The following SIMC1 variants were observed in gnomAD, a reference collection of about 807,000 sequenced individuals.
SIMC1 encodes the protein SUMO-interacting motif-containing protein 1.
In SIMC1, 55 loss-of-function variants were observed where a neutral mutation model predicts 82.3. The ratio of observed to expected loss-of-function variants is 0.67; its 90% CI spans 0.54 to 0.84. The LOEUF (loss-of-function observed/expected upper bound fraction) is 0.84. Among genes scored for constraint, SIMC1 ranks in the 40% least tolerant of loss-of-function variants. The pLI, the probability that SIMC1 is intolerant of heterozygous loss-of-function variation, is 0.00. For synonymous variants in SIMC1, 353 were observed against 426.3 expected, an observed-to-expected ratio of 0.83 and a Z score of 2.12; for missense variants, 915 against 1,107.2, an observed-to-expected ratio of 0.83 and a Z score of 2.46.
intron 1 of SIMC1, among the ~76,000 whole-genome samples, chr5:176,279,411 T>A (rs1762876186): frequency 6.6e-6 from 1 of 152,192 alleles, no homozygotes; most frequent in African/African-American, 2.4e-5. Flanking sequence ...TTGTTGATCG[T>A]TTCAAAAAAC....
intron 1 of SIMC1, among the ~76,000 whole-genome samples, chr5:176,279,076 G>A (rs1762856402): frequency 2.0e-5 from 3 of 152,134 alleles, no homozygotes; most frequent in Admixed American, 2.0e-4. Context: ...AATCCATCTG[G>A]TCCTGGACTC....
At chr5:176,273,511 T>A (rs1204476534) in intron 1 of SIMC1, among the ~76,000 whole-genome samples, 1 of 151,390 alleles carries the variant, frequency 6.6e-6, no homozygotes, top group Non-Finnish European at 1.5e-5. Flanking sequence ...GAAAAAAAAA[T>A]TTTTTTTTAT....
Position 176,289,619 on chromosome 5 carries a change from T to C in SIMC1, c.130-35T>C. On this transcript the variant is annotated intron_variant, in intron 1 of 9. Coordinates refer to ENST00000429602, the MANE Select transcript of SIMC1 (RefSeq NM_001308195.2). The stretch of plus-strand genomic sequence containing the variant: ...ATCTCAGATAAAGCTAATACTCCCA[T>C]CTTGACCTCTTTTCTTCACACAATC... 5.3e-6 allele frequency: 8 copies of C among 1,507,712 alleles called. No individual in the cohort carries two copies. The Middle Eastern group carries it at 1.4e-3, about 264-fold the overall frequency. The allele number at this position is 1,507,712 out of a possible 1,614,324, so 93.4% of individuals were successfully genotyped here.
At chr5:176,266,405 T>G (rs1306771672) in intron 1 of SIMC1, among the ~76,000 whole-genome samples, 1 of 152,078 alleles carries the variant, frequency 6.6e-6, no homozygotes, top group Non-Finnish European at 1.5e-5. Context: ...CCAAATTATG[T>G]AGGCACAACA....
At position 176,345,692 on chromosome 5, in the gene SIMC1, T is replaced by C. The variant is rs891077691; in HGVS notation, c.*247T>C. 1 of 221,638 alleles carries C rather than the reference T, an allele frequency of 4.5e-6. No homozygotes were observed. Among genetic ancestry groups the C allele is most frequent in the Non-Finnish European group, 8.6e-6 (1 of 116,504 alleles). 13.7% of individuals were successfully genotyped at this position (221,638 alleles called of 1,614,324 possible). On this transcript the variant is annotated 3_prime_UTR_variant, in exon 10 of 10. Coordinates refer to ENST00000429602, the MANE Select transcript of SIMC1 (RefSeq NM_001308195.2). The stretch of plus-strand genomic sequence containing the variant: ...TTAATAAATTATTTATCTATACTTT[T>C]TTGAAACAGGTTAATACTCTGTGCA...
At chr5:176,287,625 A>C (rs577686309) in intron 1 of SIMC1, among the ~76,000 whole-genome samples, 1 of 148,242 alleles carries the variant, frequency 6.7e-6, no homozygotes, top group Non-Finnish European at 1.5e-5. Context: ...AACTTAAAAT[A>C]TAATAATTTT....
intron 4 of SIMC1, 174 bp from the exon 5 acceptor site, chr5:176,313,517 C>T (rs1408039020): frequency 1.5e-5 from 23 of 1,554,514 alleles, no homozygotes; most frequent in East Asian, 2.3e-5. Context: ...CCCTATTTGT[C>T]CTCTCTCATA....
chr5:176,311,953 T>TGGGGAGTCAAGAG (rs1764681948), intron 4 of SIMC1, among the ~76,000 whole-genome samples: 1 of 152,194 alleles, frequency 6.6e-6, no homozygotes, highest in Non-Finnish European at 1.5e-5. Context: ...GTAACATCCT[T>TGGGGAGTCAAGAG]ATCTTCCAAA....
intron 4 of SIMC1, chr5:176,308,205 G>C (rs185100761): frequency 1.3e-6 from 2 of 1,507,724 alleles, no homozygotes; most frequent in Non-Finnish European, 1.8e-6. Flanking sequence ...GATACAAGGA[G>C]TGACTCCAAA....
intron 7 of SIMC1, among the ~76,000 whole-genome samples, chr5:176,329,800 G>C (rs1330527358): frequency 2.6e-5 from 4 of 152,142 alleles, no homozygotes; most frequent in Admixed American, 2.6e-4. Flanking sequence ...TGAGTGCCAA[G>C]TTTCTCACTG....
At chr5:176,276,402 G>T (rs911322437) in intron 1 of SIMC1, among the ~76,000 whole-genome samples, 1 of 149,056 alleles carries the variant, frequency 6.7e-6, no homozygotes, top group African/African-American at 2.5e-5. Flanking sequence ...TATCAATTTT[G>T]TTGGTCCTTT....
chr5:176,322,640 A>G, intron 6 of SIMC1: 1 of 537,072 alleles, frequency 1.9e-6, no homozygotes, highest in Non-Finnish European at 3.2e-6. Context: ...ATAGGACTTC[A>G]CAAAGTGAAT....
intron 4 of SIMC1, among the ~76,000 whole-genome samples, chr5:176,307,483 C>T (rs1051804793): frequency 6.6e-6 from 1 of 152,198 alleles, no homozygotes; most frequent in African/African-American, 2.4e-5. Context: ...TCACTTCAAG[C>T]TCTGCCTCCT....
At chr5:176,252,883 A>G (rs943344695) in intron 1 of SIMC1, among the ~76,000 whole-genome samples, 1 of 152,230 alleles carries the variant, frequency 6.6e-6, no homozygotes, top group African/African-American at 2.4e-5. Flanking sequence ...TCCGTCTGCA[A>G]TCCCAGCACC....
chr5:176,241,063 A>AAATGTC lies in SIMC1; in HGVS notation c.129+2427_129+2428insATGTCA, dbSNP rs1761260360. 1.2e-4 allele frequency among the ~76,000 whole-genome samples: 9 copies of AAATGTC among 75,226 alleles called. 2 individuals are homozygous for AAATGTC. Among genetic ancestry groups the AAATGTC allele is most frequent in the Admixed American group, 8.0e-4 (6 of 7,546 alleles). 49.4% of individuals were successfully genotyped at this position (75,226 alleles called of 152,430 possible). On this transcript the variant is annotated intron_variant, in intron 1 of 9. Coordinates refer to ENST00000429602, the MANE Select transcript of SIMC1 (RefSeq NM_001308195.2). ...GCTTGAACTTGAGAAAGCCATGTCT[A>AAATGTC]ATGCTGAAGTTGACATTTCTGAACT...
intron 6 of SIMC1, among the ~76,000 whole-genome samples, chr5:176,324,149 G>A (rs1484811300): frequency 6.6e-6 from 1 of 152,110 alleles, no homozygotes; most frequent in African/African-American, 2.4e-5. Context: ...CACCAGGGGA[G>A]GTTCTGAGAC....
chr5:176,304,099 AAT>A (rs1003038554), intron 4 of SIMC1, among the ~76,000 whole-genome samples: 3 of 152,228 alleles, frequency 2.0e-5, no homozygotes, highest in African/African-American at 7.2e-5. Context: ...CAGAGTGAGC[AAT>A]AAAAATAGAA....
Position 176,290,866 on chromosome 5 carries a change from C to G in SIMC1, c.1342C>G (p.Pro448Ala), listed in dbSNP as rs150177738. Residue 448 changes from proline (P) to alanine (A), a missense_variant, in exon 2 of 10, where the codon CCA (proline) becomes GCA (alanine). This residue lies in a region of SIMC1 where 902 missense variants were observed against 1,040.3 expected (regional missense o/e 0.87). Transcript: ENST00000429602. ...ACCACAAGGTGGGTTGTACAACAGA[C>G]CATGCCTGCATAGACTGAAGTACTT... ...RTPQGGLYNR[P>A]CLHRLKYFLR... is the part of the protein sequence containing the mutation. The G allele has an allele frequency of 7.4e-6, 12 of 1,613,464 alleles. No individual in the cohort carries two copies. Among genetic ancestry groups the G allele is most frequent in the Non-Finnish European group, 9.3e-6 (11 of 1,179,588 alleles).
chr5:176,324,614 A>G lies in SIMC1; in HGVS notation c.2043-15A>G, dbSNP rs200063925. 7.3e-5 allele frequency: 117 copies of G among 1,609,464 alleles called. No individual in the cohort carries two copies. In the African/African-American group the frequency reaches 8.5e-4, roughly 12 times the overall value. ...AGACCCTCACACTCATCTGTGTCCT[A>G]TGTTCTGGACTCAGGATTGTGTGCC... is the stretch of plus-strand genomic sequence containing the variant. On this transcript the variant is annotated splice_polypyrimidine_tract_variant and intron_variant, in intron 6 of 9. Coordinates refer to ENST00000429602, the MANE Select transcript of SIMC1 (RefSeq NM_001308195.2).
Sources: gnomAD v4.1 joint callset for allele counts (sites outside exome capture counted in the v4.1 genomes callset) on GRCh38, gnomAD v4.1.1 for gene constraint, gnomAD v4.1.1 regional missense constraint, MANE v1.5 for transcripts, NCBI Gene and HGNC (gene_info 2026-07-23, HGNC 2026-07-21) for gene names.